Variants in SCN1A observed in about 807,000 individuals in gnomAD.
The protein encoded by SCN1A is sodium voltage-gated channel alpha subunit 1, also known as sodium channel protein type 1 subunit alpha.
SCN1A carries 13 observed loss-of-function variants against 193.7 expected under a neutral mutation model. The observed-to-expected ratio is 0.07, with a 90% CI of 0.04 to 0.11. The LOEUF (loss-of-function observed/expected upper bound fraction) is 0.11, where lower values mean the gene tolerates loss of function less well. SCN1A is among the 10% of genes least tolerant of loss of function. The probability of loss-of-function intolerance (pLI) is 1.00; values close to 1 mark genes in which losing one functional copy is unlikely to be tolerated. For synonymous variants in SCN1A, 781 were observed against 843.6 expected (o/e 0.93, Z 1.29); for missense variants, 1,432 against 2,451.1 (o/e 0.58, Z 8.78).
intron 18 of SCN1A, among the ~76,000 whole-genome samples, chr2:166,037,564 A>C (rs1696552777): frequency 6.6e-6 from 1 of 152,172 alleles, no homozygotes; most frequent in Non-Finnish European, 1.5e-5. Context: ...TGTGTTGTTA[A>C]AGTGATAATA....
At chr2:166,018,130 G>T (rs1693559129) in intron 19 of SCN1A, among the ~76,000 whole-genome samples, 1 of 151,836 alleles carries the variant, frequency 6.6e-6, no homozygotes, top group Middle Eastern at 3.2e-3. Context: ...GTTATTGCAT[G>T]ATATTAAAGT....
intron 9 of SCN1A, among the ~76,000 whole-genome samples, chr2:166,049,307 G>GA (rs911981565): frequency 2.0e-5 from 3 of 151,836 alleles, no homozygotes; most frequent in Non-Finnish European, 4.4e-5. Context: ...CCATTCTCAC[G>GA]AAAAAAATTC....
At chr2:166,002,886 C>T in intron 23 of SCN1A, 133 bp from the exon 24 acceptor site, 1 of 708,856 alleles carries the variant, frequency 1.4e-6, no homozygotes. Context: ...TATGTAAAAG[C>T]AAGGTTCAAA....
chr2:165,994,526 G>A lies in SCN1A; in HGVS notation c.4582-110C>T, dbSNP rs75721122. 3.7e-3 allele frequency: 3,600 copies of A among 960,288 alleles called. 93 individuals are homozygous for A. The African/African-American group carries it at 0.053, about 14-fold the overall frequency. 59.5% of individuals were successfully genotyped at this position (960,288 alleles called of 1,614,324 possible). A position where few individuals can be genotyped will look rare whatever the true frequency, so the allele number is the denominator to read the frequency against. ...TCTAGTTTCTTGCAAAGTAGTCATT[G>A]GCCCTGATTTTTGTAAGAATGATTT... On this transcript the variant is annotated intron_variant, in intron 27 of 28. Coordinates refer to ENST00000674923, the MANE Select transcript of SCN1A (RefSeq NM_001165963.4).
chr2:165,991,394 T>A lies in SCN1A; in HGVS notation c.5881A>T (p.Ile1961Phe). 6.2e-7 allele frequency: 1 copy of A among 1,613,766 alleles called. No individual in the cohort carries two copies. The highest frequency in any genetic ancestry group is 8.5e-7 in the Non-Finnish European group (1 of 1,179,828). The part of the protein sequence containing the change: ...ANLLIKEDMI[I>F]DRINENSITE... ...ATAGAGTTTTCATTTATTCTGTCAA[T>A]TATCATGTCTTCTTTTATAAGAAGA... The change falls in exon 29 of 29, where the codon ATT becomes TTT. Residue 1961 changes from isoleucine (I) to phenylalanine (F), a missense_variant. Physicochemically the swap from Ile to Phe is conservative, Grantham distance 21 (BLOSUM62 0). Transcript: ENST00000674923.
At chr2:166,104,620 G>A (rs760083051) in intron 2 of SCN1A, among the ~76,000 whole-genome samples, 1 of 152,176 alleles carries the variant, frequency 6.6e-6, no homozygotes, top group Non-Finnish European at 1.5e-5. Flanking sequence ...GTGCGTTTGT[G>A]TAGTTCCAGC....
intron 2 of SCN1A, among the ~76,000 whole-genome samples, chr2:166,093,914 AC>A (rs1178094874): frequency 6.6e-6 from 1 of 152,162 alleles, no homozygotes; most frequent in Admixed American, 6.6e-5. Context: ...TTGTTTTAAA[AC>A]CAGAAATTCA....
chr2:166,120,124 G>A (rs190980595), intron 2 of SCN1A, among the ~76,000 whole-genome samples: 11 of 149,824 alleles, frequency 7.3e-5, no homozygotes, highest in Admixed American at 3.3e-4. Flanking sequence ...TATTACTTTT[G>A]TCATAAGAAA....
chr2:166,145,637 G>C (rs969949183), intron 1 of SCN1A, among the ~76,000 whole-genome samples: 4 of 151,844 alleles, frequency 2.6e-5, no homozygotes, highest in Non-Finnish European at 5.9e-5. Context: ...AAGTGGTTTA[G>C]GTAAAAATTC....
chr2:166,041,562 C>G (rs1697196735), intron 15 of SCN1A, 93 bp from the exon 16 acceptor site: 2 of 903,644 alleles, frequency 2.2e-6, no homozygotes, highest in Non-Finnish European at 3.5e-6. Context: ...TTTCAGTAAT[C>G]AACACATTTT....
intron 25 of SCN1A, chr2:165,999,049 A>G (rs996397780): frequency 2.0e-5 from 3 of 151,540 alleles, no homozygotes; most frequent in African/African-American, 7.3e-5. Flanking sequence ...ACTACATCTT[A>G]CAAAGTTTTG....
intron 11 of SCN1A, among the ~76,000 whole-genome samples, 160 bp from the exon 12 acceptor site, chr2:166,047,136 C>T (rs533335583): frequency 2.0e-5 from 3 of 152,102 alleles, no homozygotes; most frequent in African/African-American, 7.2e-5. Flanking sequence ...TTAACTTCAG[C>T]TTCTTCCTTC....
chr2:166,112,624 T>A (rs1045270545), intron 2 of SCN1A, among the ~76,000 whole-genome samples: 2 of 152,150 alleles, frequency 1.3e-5, no homozygotes, highest in African/African-American at 4.8e-5. Context: ...CTGATTAATA[T>A]TGGTGATAGC....
Position 166,037,767 on chromosome 2 carries a change from G to A in SCN1A, c.2946+9C>T, listed in dbSNP as rs1197729215. 6.2e-7 allele frequency: 1 copy of A among 1,613,354 alleles called. No individual in the cohort carries two copies. The highest frequency in any genetic ancestry group is 1.7e-5 in the Admixed American group (1 of 59,996). ...ATTTCCAAAATGCATATCTTAAGTGGGTACATACCACTAGGTTTCCAATCA... is the reference window on the plus strand; with the variant it reads ...ATTTCCAAAATGCATATCTTAAGTGAGTACATACCACTAGGTTTCCAATCA... On this transcript the variant is annotated intron_variant, in intron 18 of 28. Coordinates refer to ENST00000674923, the MANE Select transcript of SCN1A (RefSeq NM_001165963.4).
chr2:166,124,753 G>A (rs964511045), intron 2 of SCN1A, among the ~76,000 whole-genome samples: 5 of 152,276 alleles, frequency 3.3e-5, no homozygotes, highest in African/African-American at 7.2e-5. Flanking sequence ...GAACACAGAC[G>A]CCATGGCCAC....
upstream of SCN1A, among the ~76,000 whole-genome samples, chr2:166,132,284 G>A (rs1473553292): frequency 6.6e-6 from 1 of 152,026 alleles, no homozygotes; most frequent in South Asian, 2.1e-4. Flanking sequence ...CTTTTGATTG[G>A]AATAATCAGA....
chr2:166,018,804 G>C (rs1693649989), intron 19 of SCN1A, among the ~76,000 whole-genome samples: 1 of 152,036 alleles, frequency 6.6e-6, no homozygotes, highest in Non-Finnish European at 1.5e-5. Flanking sequence ...CTAAATGTTA[G>C]GAAAGTAAAA....
intron 19 of SCN1A, among the ~76,000 whole-genome samples, chr2:166,026,925 C>T (rs1287865997): frequency 2.0e-5 from 3 of 151,886 alleles, no homozygotes. Flanking sequence ...CCTCGTGATT[C>T]GCCCGCCTCG....
intron 28 of SCN1A, chr2:165,993,500 A>C (rs371664901): frequency 6.6e-6 from 1 of 152,150 alleles, no homozygotes; most frequent in South Asian, 2.1e-4. Context: ...TGTCTAATGA[A>C]ATGAGCTATT....
Sources: allele counts gnomAD v4.1 joint callset (sites outside exome capture counted in the v4.1 genomes callset), GRCh38; gene constraint gnomAD v4.1.1; transcripts MANE v1.5; gene names NCBI Gene and HGNC (gene_info 2026-07-23, HGNC 2026-07-21).